Variants in PLCG2 observed in about 807,000 individuals in gnomAD.
PLCG2 encodes the protein phospholipase C gamma 2, also known as 1-phosphatidylinositol 4,5-bisphosphate phosphodiesterase gamma-2.
In PLCG2, 69 loss-of-function variants were observed where a neutral mutation model predicts 175.6. That is an observed-to-expected ratio of 0.39 (90% confidence interval 0.32 to 0.48). The LOEUF (loss-of-function observed/expected upper bound fraction) is 0.48, where lower values mean the gene tolerates loss of function less well. Among genes scored for constraint, PLCG2 ranks in the 20% least tolerant of loss-of-function variants. PLCG2 has a pLI of 0.91. For missense variants in PLCG2, 1,798 were observed against 1,650.9 expected (o/e 1.09, Z -1.54); for synonymous variants, 827 against 624.0 (o/e 1.33, Z -4.85).
At chr16:81,830,554 G>A (rs960616590) in intron 2 of PLCG2, among the ~76,000 whole-genome samples, 2 of 151,804 alleles carry the variant, frequency 1.3e-5, no homozygotes, top group East Asian at 1.9e-4. Flanking sequence ...GTGATCCATA[G>A]GCCTCAGCCT....
At chr16:81,747,497 T>G (rs957023495) in intron 1 of PLCG2, among the ~76,000 whole-genome samples, 3 of 152,176 alleles carry the variant, frequency 2.0e-5, no homozygotes, top group African/African-American at 7.2e-5. Flanking sequence ...ATTGTGCCCC[T>G]GCACTCCAGC....
chr16:81,911,790 CTTTTTTTTT>C lies in PLCG2; in HGVS notation c.1935-790_1935-782del, dbSNP rs35027472. ...TGGGCCTGGCTAATTTTTGTATTTC[CTTTTTTTTT>C]TTTTTTTTTTTTTTTTGGGACAGAG... On this transcript the variant is annotated intron_variant, in intron 18 of 32. Coordinates refer to ENST00000564138, the MANE Select transcript of PLCG2 (RefSeq NM_002661.5). Among the ~76,000 whole-genome samples, 288 of 67,278 alleles carry C rather than the reference CTTTTTTTTT, an allele frequency of 4.3e-3. 2 individuals are homozygous for C. Among genetic ancestry groups the C allele is most frequent in the African/African-American group, 0.016 (267 of 16,184 alleles). The allele number at this position is 67,278 out of a possible 152,430, so 44.1% of individuals were successfully genotyped here.
At chr16:81,792,664 C>G (rs1007875342) in intron 2 of PLCG2, among the ~76,000 whole-genome samples, 2 of 151,940 alleles carry the variant, frequency 1.3e-5, no homozygotes, top group African/African-American at 4.8e-5. Context: ...ATGGTGGCAG[C>G]AAGGAGAAGG....
chr16:81,819,688 G>A lies in PLCG2; in HGVS notation c.193+33506G>A, dbSNP rs1328639873. ...CAACCTCCGCCTTCTGGTTTCAAGC[G>A]AATATCCTGCCTCAGCCTCCTGAGC... is the stretch of plus-strand genomic sequence containing the variant. On this transcript the variant is annotated intron_variant, in intron 2 of 32. Coordinates refer to ENST00000564138, the MANE Select transcript of PLCG2 (RefSeq NM_002661.5). Among the ~76,000 whole-genome samples, 6 of 152,254 alleles carry A rather than the reference G, an allele frequency of 3.9e-5. No homozygotes were observed. In the South Asian group the frequency reaches 6.2e-4, roughly 16 times the overall value.
In PLCG2 at chr16:81,805,767, G is replaced by GTTTTTTTTTTTTTTTTTTTTT. The variant is rs766609754; in HGVS notation, c.193+19600_193+19601insTTTTTTTTTTTTTTTTTTTTT. ...AGCCATGAGAGTAGTGTTTTGTTTT[G>GTTTTTTTTTTTTTTTTTTTTT]TTTTTTTTTTTTTTTGTTTTTTTTT... On this transcript the variant is annotated intron_variant, in intron 2 of 32. Coordinates refer to ENST00000564138, the MANE Select transcript of PLCG2 (RefSeq NM_002661.5). 2.5e-4 allele frequency among the ~76,000 whole-genome samples: 10 copies of GTTTTTTTTTTTTTTTTTTTTT among 39,508 alleles called. 1 individual carries two copies. Among genetic ancestry groups the GTTTTTTTTTTTTTTTTTTTTT allele is most frequent in the African/African-American group, 4.9e-4 (4 of 8,156 alleles). The allele number at this position is 39,508 out of a possible 152,430, so 25.9% of individuals were successfully genotyped here.
rs188976295 is a variant in PLCG2 at position 81,961,830 on chromosome 16, G to A, written c.*3832G>A. 4.9e-6 allele frequency: 1 copy of A among 202,442 alleles called. No individual in the cohort carries two copies. Among genetic ancestry groups the A allele is most frequent in the Non-Finnish European group, 1.0e-5 (1 of 98,612 alleles). The allele number at this position is 202,442 out of a possible 1,614,324, so 12.5% of individuals were successfully genotyped here. On this transcript the variant is annotated 3_prime_UTR_variant, in exon 33 of 33. Coordinates refer to ENST00000564138, the MANE Select transcript of PLCG2 (RefSeq NM_002661.5). ...AGCACTTTGCAGCTATTTATAATGA[G>A]AAATTTTAGATGTCAATATAGCAAT...
chr16:81,947,968 T>C (rs975542933), intron 31 of PLCG2, among the ~76,000 whole-genome samples: 3 of 152,350 alleles, frequency 2.0e-5, no homozygotes, highest in East Asian at 1.9e-4. Context: ...CCTTTTCTAC[T>C]TCACAGACGA....
chr16:81,778,045 A>AACAAACAAACAAACAAAC (rs746647458), upstream of PLCG2, among the ~76,000 whole-genome samples: 5 of 77,906 alleles, frequency 6.4e-5, no homozygotes, highest in Non-Finnish European at 1.3e-4. Flanking sequence ...AAAAAAAACA[A>AACAAACAAACAAACAAAC]AAAAAAAAAC....
chr16:81,780,702 C>G (rs1337621967), intron 1 of PLCG2, among the ~76,000 whole-genome samples: 1 of 152,168 alleles, frequency 6.6e-6, no homozygotes, highest in Non-Finnish European at 1.5e-5. Flanking sequence ...TGGGTAGAGT[C>G]AATGAAAAGC....
intron 1 of PLCG2, among the ~76,000 whole-genome samples, chr16:81,755,510 C>A (rs1261332561): frequency 1.3e-5 from 2 of 151,252 alleles, no homozygotes; most frequent in African/African-American, 4.9e-5. Flanking sequence ...CTGGCTTCAG[C>A]CTGTTTCTTT....
At chr16:81,770,133 A>T (rs1014317134) in intron 2 of PLCG2, among the ~76,000 whole-genome samples, 4 of 152,074 alleles carry the variant, frequency 2.6e-5, no homozygotes, top group Non-Finnish European at 4.4e-5. Context: ...TTATTGATGC[A>T]TAACAACGCA....
intron 2 of PLCG2, among the ~76,000 whole-genome samples, chr16:81,805,546 C>T (rs530874030): frequency 1.4e-5 from 2 of 144,084 alleles, no homozygotes; most frequent in Non-Finnish European, 3.1e-5. Context: ...ACAAAAAAAA[C>T]CAAAAACAAA....
At chr16:81,791,041 C>G (rs936993229) in intron 2 of PLCG2, among the ~76,000 whole-genome samples, 35 of 152,090 alleles carry the variant, frequency 2.3e-4, no homozygotes, top group African/African-American at 8.2e-4. Context: ...TGCTCTGAAC[C>G]CTGTTTGGAT....
rs202120968 is a variant in PLCG2 at position 81,827,192 on chromosome 16, T to TG, written c.194-27252_194-27251insG. Among the ~76,000 whole-genome samples the TG allele has an allele frequency of 1.7e-4, 26 of 149,730 alleles. No individual in the cohort carries two copies. The East Asian group carries it at 4.7e-3, about 27-fold the overall frequency. ...CATACATTATAGAGGATTGCTGGGTTTTTTTTTTTTTGGGGACAGGGTCTC... is the reference window on the plus strand; with the variant it reads ...CATACATTATAGAGGATTGCTGGGTTGTTTTTTTTTTTGGGGACAGGGTCTC... On this transcript the variant is annotated intron_variant, in intron 2 of 32. Coordinates refer to ENST00000564138, the MANE Select transcript of PLCG2 (RefSeq NM_002661.5).
At chr16:81,863,028 A>ATTGTGGTAACAACAATGAAACATAG (rs1322262110) in intron 5 of PLCG2, among the ~76,000 whole-genome samples, 2 of 152,242 alleles carry the variant, frequency 1.3e-5, no homozygotes, top group African/African-American at 4.8e-5. Flanking sequence ...AATTTGTTTT[A>ATTGTGGTAACAACAATGAAACATAG]TTGTGGTAAC....
At chr16:81,898,166 C>G (rs1908980767) in intron 13 of PLCG2, 1 of 210,204 alleles carries the variant, frequency 4.8e-6, no homozygotes, top group South Asian at 6.2e-5. Context: ...AACATTATCT[C>G]ATTCATGACT....
At chr16:81,792,584 C>G (rs1284306058) in intron 2 of PLCG2, among the ~76,000 whole-genome samples, 2 of 150,872 alleles carry the variant, frequency 1.3e-5, no homozygotes, top group Non-Finnish European at 2.9e-5. Context: ...GTTTAATTGA[C>G]TCACACACAA....
intron 2 of PLCG2, among the ~76,000 whole-genome samples, chr16:81,816,337 C>T (rs973939875): frequency 6.6e-6 from 1 of 152,200 alleles, no homozygotes; most frequent in Non-Finnish European, 1.5e-5. Context: ...TGCCACTACA[C>T]TCCAGCCTGG....
intron 25 of PLCG2, among the ~76,000 whole-genome samples, chr16:81,933,870 T>G (rs1040938540): frequency 6.6e-6 from 1 of 152,136 alleles, no homozygotes; most frequent in Non-Finnish European, 1.5e-5. Flanking sequence ...GGAGTTAGAT[T>G]TGATGGTGGG....
Sources: allele counts gnomAD v4.1 joint callset (sites outside exome capture counted in the v4.1 genomes callset), GRCh38; gene constraint gnomAD v4.1.1; transcripts MANE v1.5; gene names NCBI Gene and HGNC (gene_info 2026-07-23, HGNC 2026-07-21).